IRAG2: variants seen among roughly 807,000 people sequenced by gnomAD.
The protein encoded by IRAG2 is lymphoid restricted membrane protein.
Under a neutral mutation model 69.9 loss-of-function variants are expected in IRAG2, and 45 were observed. The observed-to-expected ratio is 0.64, with a 90% CI of 0.51 to 0.83. The LOEUF (loss-of-function observed/expected upper bound fraction) is 0.83. Among genes scored for constraint, IRAG2 ranks in the 40% least tolerant of loss-of-function variants. The probability of loss-of-function intolerance (pLI) is 0.00; values close to 1 mark genes in which losing one functional copy is unlikely to be tolerated. For synonymous variants in IRAG2, 193 were observed against 202.4 expected (o/e 0.95, Z 0.40); for missense variants, 520 against 587.0 (o/e 0.89, Z 1.18).
At chr12:25,107,072 T>C in intron 21 of IRAG2, 22 bp downstream of exon 21, 1 of 1,365,496 alleles carries the variant, frequency 7.3e-7, no homozygotes. Context: ...ACTTGATAAA[T>C]TCTACCATTT....
chr12:25,004,282 T>C (rs1413703329), upstream of IRAG2: 1 of 1,097,382 alleles, frequency 9.1e-7, no homozygotes, highest in African/African-American at 1.6e-5. Context: ...CTTTTAAACA[T>C]GTATCTACTT....
upstream of IRAG2, among the ~76,000 whole-genome samples, chr12:25,001,662 G>A (rs1236263996): frequency 6.6e-6 from 1 of 152,080 alleles, no homozygotes; most frequent in Non-Finnish European, 1.5e-5. Context: ...CCAGTTCTGG[G>A]GTCTCTTTTA....
intron 3 of IRAG2, chr12:25,015,153 T>G: frequency 9.9e-7 from 1 of 1,014,858 alleles, no homozygotes; most frequent in Non-Finnish European, 1.2e-6. Context: ...CTCACTGGTT[T>G]TGTTTTTTTT....
upstream of IRAG2, among the ~76,000 whole-genome samples, chr12:25,050,122 G>A (rs952911990): frequency 4.6e-5 from 7 of 151,504 alleles, no homozygotes; most frequent in Admixed American, 1.3e-4. Context: ...GTGAGACTCC[G>A]TCTCAAAAAA....
chr12:25,008,105 T>C (rs1441992314), intron 2 of IRAG2, among the ~76,000 whole-genome samples: 1 of 152,200 alleles, frequency 6.6e-6, no homozygotes, highest in South Asian at 2.1e-4. Context: ...AAGGCAACTA[T>C]TGATGATGAA....
At chr12:25,013,679 TTAAAG>T (rs1273695900) in intron 3 of IRAG2, among the ~76,000 whole-genome samples, 2 of 152,092 alleles carry the variant, frequency 1.3e-5, no homozygotes, top group African/African-American at 2.4e-5. Context: ...TACTAGTCAT[TTAAAG>T]TAATAATATT....
chr12:25,081,050 C>G (rs1008391930), intron 9 of IRAG2, among the ~76,000 whole-genome samples: 3 of 152,112 alleles, frequency 2.0e-5, no homozygotes, highest in Non-Finnish European at 4.4e-5. Flanking sequence ...ATAGACATAC[C>G]TACGATAAGT....
upstream of IRAG2, among the ~76,000 whole-genome samples, chr12:25,051,096 A>T (rs769403259): frequency 2.0e-5 from 3 of 152,170 alleles, no homozygotes; most frequent in Non-Finnish European, 4.4e-5. Flanking sequence ...TACACTTAAA[A>T]ATTTGTTAAG....
intron 12 of IRAG2, chr12:25,032,443 G>T: frequency 5.0e-6 from 2 of 398,586 alleles, no homozygotes; most frequent in Non-Finnish European, 8.8e-6. Flanking sequence ...ATTGAGCTTT[G>T]TATGTGCCAC....
intron 17 of IRAG2, chr12:25,103,127 CTTAAATTAGT>C (rs1320971536): frequency 6.6e-6 from 1 of 152,148 alleles, no homozygotes; most frequent in East Asian, 1.9e-4. Context: ...ATGGAACCCC[CTTAAATTAGT>C]TTATTTATTA....
chr12:25,101,338 TATG>T lies in IRAG2; in HGVS notation c.889+16_889+18del. 2 of 1,571,014 alleles carry T rather than the reference TATG, an allele frequency of 1.3e-6. No individual in the cohort carries two copies. Among genetic ancestry groups the T allele is most frequent in the East Asian group, 4.5e-5 (2 of 44,000 alleles). The stretch of plus-strand genomic sequence containing the variant: ...CTTGAAGATGATGGTAATAAAAGTT[TATG>T]ATAATAGTATTAGTTGTGTTTTTCT... On this transcript the variant is annotated intron_variant, in intron 16 of 21. Transcript: ENST00000556887.
At chr12:25,020,186 C>G (rs991262853) in intron 6 of IRAG2, among the ~76,000 whole-genome samples, 1 of 152,208 alleles carries the variant, frequency 6.6e-6, no homozygotes, top group African/African-American at 2.4e-5. Context: ...TAGGTAACTT[C>G]ATGATATGGA....
chr12:25,087,697 A>C (rs1947727817), intron 10 of IRAG2, among the ~76,000 whole-genome samples: 1 of 152,060 alleles, frequency 6.6e-6, no homozygotes, highest in Non-Finnish European at 1.5e-5. Context: ...ATCAGAACCC[A>C]TTCGAGGCTG....
chr12:25,035,530 G>A (rs4963844), intron 13 of IRAG2: 122,598 of 395,962 alleles, frequency 0.31, 20,313 homozygotes, highest in Admixed American at 0.47. Context: ...AATTTCACAA[G>A]ACTATTGAGA....
At chr12:25,087,947 C>T (rs547816609) in intron 10 of IRAG2, among the ~76,000 whole-genome samples, 153 bp from the exon 11 acceptor site, 2 of 152,274 alleles carry the variant, frequency 1.3e-5, no homozygotes, top group South Asian at 4.2e-4. Flanking sequence ...AAACTGTCTT[C>T]CAGGAAACTG....
chr12:25,097,179 A>G (rs1948468882), intron 15 of IRAG2, 135 bp downstream of exon 15: 1 of 719,696 alleles, frequency 1.4e-6, no homozygotes, highest in African/African-American at 1.8e-5. Flanking sequence ...CGTTTAATAC[A>G]TATGTGTTTA....
At chr12:25,064,843 A>C (rs1945864595) in intron 4 of IRAG2, among the ~76,000 whole-genome samples, 3 of 152,156 alleles carry the variant, frequency 2.0e-5, no homozygotes. Flanking sequence ...TAATTCCTGC[A>C]CTTTGGGAGG....
At position 25,012,143 on chromosome 12, in the gene IRAG2, C is replaced by CTTTTTTTTTTTT. The variant is rs1944480147; in HGVS notation, c.896+592_896+593insTTTTTTTTTTTT. On this transcript the variant is annotated intron_variant, in intron 3 of 38. Coordinates refer to the IRAG2 transcript ENST00000636465. ...GTCTTCTTCCACAGAAAGCGAATTCCCTTTTTTTTTTTTTTTTTTTTTTTT... is the reference window on the plus strand; with the variant it reads ...GTCTTCTTCCACAGAAAGCGAATTCCTTTTTTTTTTTTCTTTTTTTTTTTTTTTTTTTTTTTT... Among the ~76,000 whole-genome samples, 4 of 24,096 alleles carry CTTTTTTTTTTTT rather than the reference C, an allele frequency of 1.7e-4. 1 individual carries two copies. The highest frequency in any genetic ancestry group is 4.1e-4 in the Non-Finnish European group (3 of 7,326). 15.8% of individuals were successfully genotyped at this position (24,096 alleles called of 152,430 possible).
rs749091424 is a variant in IRAG2, at chr12:25,108,082, G to A, written c.*22G>A. 9.4e-6 allele frequency: 15 copies of A among 1,600,918 alleles called. No individual in the cohort carries two copies. Among genetic ancestry groups the A allele is most frequent in the Non-Finnish European group, 1.2e-5 (14 of 1,171,208 alleles). On this transcript the variant is annotated 3_prime_UTR_variant, in exon 22 of 22. Coordinates refer to ENST00000556887, the MANE Select transcript of IRAG2 (RefSeq NM_001366544.2). Reference sequence around the variant, plus strand: ...GTGACAGCAGGACATCCTAATATATGGATCTTGATTTTTAAGTTTCAGTAT... The same window carrying A: ...GTGACAGCAGGACATCCTAATATATAGATCTTGATTTTTAAGTTTCAGTAT...
Sources: allele counts gnomAD v4.1 joint callset (sites outside exome capture counted in the v4.1 genomes callset), GRCh38; gene constraint gnomAD v4.1.1; transcripts MANE v1.5; gene names NCBI Gene and HGNC (gene_info 2026-07-23, HGNC 2026-07-21).